Variants in CDH13 observed in about 807,000 individuals in gnomAD.
CDH13 encodes cadherin-13.
CDH13 carries 24 observed loss-of-function variants against 63.8 expected under a neutral mutation model. That is an observed-to-expected ratio of 0.38 (90% CI 0.27 to 0.53). CDH13 has a LOEUF of 0.53. CDH13 is among the 20% of genes least tolerant of loss of function. The pLI is 0.85. For missense variants in CDH13, 1,049 were observed against 903.1 expected, an observed-to-expected ratio of 1.16 and a Z score of -2.07; for synonymous variants, 503 against 355.3, an observed-to-expected ratio of 1.42 and a Z score of -4.67.
intron 6 of CDH13, among the ~76,000 whole-genome samples, chr16:83,427,393 A>T (rs1052050871): frequency 2.6e-5 from 4 of 152,090 alleles, no homozygotes; most frequent in Admixed American, 2.0e-4. Flanking sequence ...AGTTAGAGTG[A>T]TGCAGCCCTG....
At chr16:83,001,740 T>A (rs1308998115) in intron 2 of CDH13, among the ~76,000 whole-genome samples, 1 of 152,192 alleles carries the variant, frequency 6.6e-6, no homozygotes, top group Non-Finnish European at 1.5e-5. Context: ...GGACATTTGA[T>A]GTAAAGGATA....
At chr16:82,678,021 A>T (rs922427417) in intron 1 of CDH13, among the ~76,000 whole-genome samples, 25 of 152,156 alleles carry the variant, frequency 1.6e-4, no homozygotes, top group African/African-American at 5.8e-4. Flanking sequence ...TCGTGGTCAG[A>T]ATAGTAAGAA....
chr16:83,011,147 A>C (rs922909783), intron 2 of CDH13, among the ~76,000 whole-genome samples: 4 of 152,166 alleles, frequency 2.6e-5, no homozygotes, highest in African/African-American at 9.6e-5. Flanking sequence ...ACAAAGTAGT[A>C]AGGGGTGTGA....
chr16:82,672,157 C>CTCTT (rs1230653922), intron 1 of CDH13, among the ~76,000 whole-genome samples: 6 of 152,150 alleles, frequency 3.9e-5, no homozygotes, highest in African/African-American at 1.2e-4. Context: ...TGAGTTTGAG[C>CTCTT]AAGGTATACC....
At chr16:83,043,879 A>C (rs1917551114) in intron 3 of CDH13, among the ~76,000 whole-genome samples, 1 of 152,120 alleles carries the variant, frequency 6.6e-6, no homozygotes. Flanking sequence ...ATACCTTTTT[A>C]CATTCTTCTT....
intron 1 of CDH13, among the ~76,000 whole-genome samples, chr16:82,747,659 A>T (rs2034238354): frequency 6.6e-6 from 1 of 152,176 alleles, no homozygotes; most frequent in African/African-American, 2.4e-5. Context: ...TTTAATGCTT[A>T]CGAGAGTTGA....
intron 7 of CDH13, among the ~76,000 whole-genome samples, chr16:83,516,430 C>T (rs1057251745): frequency 1.3e-5 from 2 of 152,166 alleles, no homozygotes; most frequent in African/African-American, 4.8e-5. Context: ...AAGTATAAGG[C>T]AGAATCAAGA....
chr16:83,069,770 C>A (rs1567800343), intron 3 of CDH13, among the ~76,000 whole-genome samples: 1 of 152,136 alleles, frequency 6.6e-6, no homozygotes, highest in African/African-American at 2.4e-5. Context: ...TCAGAGTGGA[C>A]AGGAACTGGT....
intron 1 of CDH13, among the ~76,000 whole-genome samples, chr16:82,808,368 A>G (rs1343726276): frequency 6.6e-6 from 1 of 152,286 alleles, no homozygotes; most frequent in East Asian, 1.9e-4. Context: ...CTAGGGAATT[A>G]CAGATATAAT....
At chr16:83,708,167 A>T (rs117448218) in intron 10 of CDH13, among the ~76,000 whole-genome samples, 3,122 of 152,288 alleles carry the variant, frequency 0.021, 48 homozygotes, top group Non-Finnish European at 0.027. Context: ...AGCCACCGGG[A>T]GAACCAACAC....
chr16:83,722,822 T>C (rs1396627087), intron 10 of CDH13, among the ~76,000 whole-genome samples: 3 of 152,164 alleles, frequency 2.0e-5, no homozygotes, highest in Non-Finnish European at 4.4e-5. Context: ...TAATGAAAAG[T>C]GTATTGCTAA....
At chr16:82,670,900 C>G (rs914479369) in intron 1 of CDH13, among the ~76,000 whole-genome samples, 1 of 152,202 alleles carries the variant, frequency 6.6e-6, no homozygotes, top group Non-Finnish European at 1.5e-5. Context: ...CACTGTTCCT[C>G]CTCCTGGAGG....
chr16:82,820,031 G>T (rs527312522), intron 1 of CDH13, among the ~76,000 whole-genome samples: 1 of 152,102 alleles, frequency 6.6e-6, no homozygotes. Flanking sequence ...GCAGTCAGAC[G>T]AGCCAGGAGG....
At chr16:83,767,570 C>T (rs945927696) in intron 11 of CDH13, among the ~76,000 whole-genome samples, 11 of 152,042 alleles carry the variant, frequency 7.2e-5, no homozygotes, top group Admixed American at 4.6e-4. Flanking sequence ...AAACATTATT[C>T]GTAATAGACA....
At chr16:82,952,442 C>A (rs984641975) in intron 2 of CDH13, among the ~76,000 whole-genome samples, 1 of 152,116 alleles carries the variant, frequency 6.6e-6, no homozygotes, top group African/African-American at 2.4e-5. Context: ...AGCATTCATG[C>A]CCGTAAGTTA....
intron 1 of CDH13, among the ~76,000 whole-genome samples, chr16:82,797,527 G>A (rs1261405138): frequency 3.9e-5 from 6 of 152,110 alleles, no homozygotes; most frequent in Admixed American, 2.0e-4. Flanking sequence ...TCAATGATCT[G>A]AGTTAGCTCA....
intron 3 of CDH13, among the ~76,000 whole-genome samples, chr16:83,123,862 A>G (rs928681752): frequency 3.3e-5 from 5 of 152,090 alleles, no homozygotes; most frequent in African/African-American, 4.8e-5. Context: ...AGCCTCACCA[A>G]TATTTGTTGT....
intron 1 of CDH13, among the ~76,000 whole-genome samples, chr16:82,691,625 G>A (rs920424160): frequency 3.3e-5 from 5 of 152,114 alleles, no homozygotes; most frequent in Non-Finnish European, 7.3e-5. Flanking sequence ...CTGGGGAAAG[G>A]CAAGCAAAGA....
chr16:83,244,727 A>G (rs765321829), intron 5 of CDH13, among the ~76,000 whole-genome samples: 1 of 152,174 alleles, frequency 6.6e-6, no homozygotes, highest in African/African-American at 2.4e-5. Context: ...GCAATGACCA[A>G]CAGAAACCAG....
Sources: allele counts gnomAD v4.1 joint callset (sites outside exome capture counted in the v4.1 genomes callset), GRCh38; gene constraint gnomAD v4.1.1; transcripts MANE v1.5; gene names NCBI Gene and HGNC (gene_info 2026-07-23, HGNC 2026-07-21).